SREBF2: variants seen among roughly 807,000 people sequenced by gnomAD.
SREBF2 encodes sterol regulatory element binding transcription factor 2.
SREBF2 carries 55 observed loss-of-function variants against 113.1 expected under a neutral mutation model. The ratio of observed to expected loss-of-function variants is 0.49; its 90% CI spans 0.39 to 0.61. The LOEUF is 0.61. SREBF2 is among the 20% of genes least tolerant of loss of function. SREBF2 has a pLI of 0.00. For synonymous variants in SREBF2, 593 were observed against 605.7 expected, an observed-to-expected ratio of 0.98 and a Z score of 0.31; for missense variants, 1,349 against 1,487.4, an observed-to-expected ratio of 0.91 and a Z score of 1.53.
At chr22:41,845,010 C>T (rs1327072433) in intron 1 of SREBF2, among the ~76,000 whole-genome samples, 1 of 145,612 alleles carries the variant, frequency 6.9e-6, no homozygotes, top group Non-Finnish European at 1.5e-5. Flanking sequence ...CTCACTGCGA[C>T]CTCTGCCTCC....
intron 1 of SREBF2, among the ~76,000 whole-genome samples, chr22:41,839,586 C>G (rs1326007672): frequency 6.6e-6 from 1 of 152,198 alleles, no homozygotes; most frequent in Non-Finnish European, 1.5e-5. Context: ...GCAAGTAGTT[C>G]TCTTTGGAGA....
At chr22:41,869,753 G>A (rs1036688952) in intron 3 of SREBF2, among the ~76,000 whole-genome samples, 1 of 152,150 alleles carries the variant, frequency 6.6e-6, no homozygotes, top group Non-Finnish European at 1.5e-5. Context: ...CCAAAGTGCT[G>A]AGACTACAGG....
In SREBF2 at chr22:41,873,976, A is replaced by G. The variant is rs764606155; in HGVS notation, c.1046A>G (p.Lys349Arg). 4 of 1,614,032 alleles carry G rather than the reference A, an allele frequency of 2.5e-6. No individual in the cohort carries two copies. The highest frequency in any genetic ancestry group is 1.3e-5 in the African/African-American group (1 of 74,894). The change falls in exon 5 of 19, where the codon AAA (lysine) becomes AGA (arginine). Residue 349 changes from lysine to arginine, a missense_variant. Physicochemically the swap from Lys to Arg is conservative, Grantham distance 26. Around this residue, in one of 2 missense-constraint regions of SREBF2, gnomAD observed 699 missense variants for 843.3 expected, o/e 0.83. Coordinates refer to ENST00000361204, the MANE Select transcript of SREBF2 (RefSeq NM_004599.4). ...EKRYRSSINDKIIELKDLVMG... is the reference protein window; with the variant it reads ...EKRYRSSINDRIIELKDLVMG... The stretch of plus-strand genomic sequence containing the variant: ...CGATATCGCTCCTCCATCAATGACA[A>G]AATCATCGAATTGAAAGACCTGGTC...
At chr22:41,894,757 G>A (rs1197960904) in intron 12 of SREBF2, 63 bp from the exon 13 acceptor site, 6 of 1,442,510 alleles carry the variant, frequency 4.2e-6, no homozygotes, top group East Asian at 2.3e-5. Context: ...GTTTCTCTCC[G>A]TAAAGACAAA....
intron 16 of SREBF2, 129 bp from the exon 17 acceptor site, chr22:41,902,841 T>C: frequency 9.6e-7 from 1 of 1,039,004 alleles, no homozygotes; most frequent in Non-Finnish European, 1.5e-6. Context: ...TTCACCAGAC[T>C]CTGGGGCTCT....
intron 1 of SREBF2, among the ~76,000 whole-genome samples, chr22:41,842,168 A>T (rs1301538905): frequency 6.6e-6 from 1 of 152,236 alleles, no homozygotes; most frequent in African/African-American, 2.4e-5. Context: ...GAATCAAAAT[A>T]AAATACATAA....
intron 1 of SREBF2, among the ~76,000 whole-genome samples, chr22:41,836,566 C>T (rs924941072): frequency 6.6e-6 from 1 of 152,212 alleles, no homozygotes; most frequent in African/African-American, 2.4e-5. Flanking sequence ...ATGTTAGCTC[C>T]TTGAGGCAGA....
intron 10 of SREBF2, among the ~76,000 whole-genome samples, chr22:41,882,004 C>G (rs528229398): frequency 1.3e-5 from 2 of 151,908 alleles, no homozygotes; most frequent in Admixed American, 6.6e-5. Context: ...CCTGGGAGAT[C>G]AAGGCTCCAG....
chr22:41,862,495 G>A (rs1020400628), intron 1 of SREBF2, among the ~76,000 whole-genome samples: 5 of 152,134 alleles, frequency 3.3e-5, no homozygotes, highest in Admixed American at 6.6e-5. Context: ...GTGGCCTGCC[G>A]TAGGAACTGG....
chr22:41,879,253 A>T (rs975994157), intron 9 of SREBF2, among the ~76,000 whole-genome samples: 14 of 152,212 alleles, frequency 9.2e-5, no homozygotes, highest in African/African-American at 3.4e-4. Context: ...AGTATTTGAA[A>T]TGTAATATTT....
intron 1 of SREBF2, among the ~76,000 whole-genome samples, chr22:41,853,609 A>C (rs1020076589): frequency 7.9e-5 from 12 of 152,226 alleles, no homozygotes; most frequent in African/African-American, 2.9e-4. Context: ...TTCTGTATTT[A>C]CATACTTACC....
intron 9 of SREBF2, among the ~76,000 whole-genome samples, chr22:41,880,004 C>T (rs760778576): frequency 3.3e-5 from 5 of 152,120 alleles, no homozygotes; most frequent in African/African-American, 9.7e-5. Flanking sequence ...TCAAGACCAG[C>T]CTGGGCAACA....
chr22:41,882,698 C>T (rs907484771), intron 10 of SREBF2, among the ~76,000 whole-genome samples: 1 of 152,134 alleles, frequency 6.6e-6, no homozygotes, highest in Admixed American at 6.5e-5. Flanking sequence ...CCCAGTTACT[C>T]GAGAGGCTAA....
Position 41,867,155 on chromosome 22 carries a change from A to G in SREBF2, c.413A>G (p.Gln138Arg). 2 of 1,614,068 alleles carry G rather than the reference A, an allele frequency of 1.2e-6. No individual in the cohort carries two copies. The highest frequency in any genetic ancestry group is 1.7e-6 in the Non-Finnish European group (2 of 1,180,012). The change falls in exon 2 of 19, where the codon CAG becomes CGG. Residue 138 changes from glutamine (Q) to arginine (R), a missense_variant. By Grantham distance (43) the Gln-to-Arg change is conservative. This residue lies in a region of SREBF2 where 699 missense variants were observed against 843.3 expected (regional missense o/e 0.83). Transcript: ENST00000361204. Reference protein sequence around the residue: ...TPILQPRPQPQPQPQTQLQQQ... With the variant: ...TPILQPRPQPRPQPQTQLQQQ... ...ATTCTTCAGCCCCGCCCCCAGCCCC[A>G]GCCTCAACCTCAAACTCAGCTGCAA...
At chr22:41,890,550 G>A (rs1215405889) in intron 11 of SREBF2, among the ~76,000 whole-genome samples, 1 of 152,164 alleles carries the variant, frequency 6.6e-6, no homozygotes, top group African/African-American at 2.4e-5. Flanking sequence ...AAACAGTTGT[G>A]GGGTTCTTGC....
At chr22:41,904,078 A>G (rs777159478) in intron 17 of SREBF2, among the ~76,000 whole-genome samples, 3 of 152,240 alleles carry the variant, frequency 2.0e-5, no homozygotes, top group Middle Eastern at 3.4e-3. Context: ...GGGTCTTGCT[A>G]TGTGGCCCAG....
intron 5 of SREBF2, among the ~76,000 whole-genome samples, chr22:41,874,230 G>C (rs183127216): frequency 1.9e-3 from 293 of 152,252 alleles, no homozygotes; most frequent in African/African-American, 6.7e-3. Context: ...GCAGTGACCC[G>C]CTGAGACCTT....
At position 41,877,962 on chromosome 22, in the gene SREBF2, T is replaced by C; in HGVS notation, c.1600T>C (p.Trp534Arg). The C allele has an allele frequency of 6.2e-7, 1 of 1,614,180 alleles. No homozygotes were observed. Among genetic ancestry groups the C allele is most frequent in the South Asian group, 1.1e-5 (1 of 91,084 alleles). The change falls in exon 9 of 19, where the codon TGG (tryptophan) becomes CGG (arginine). Residue 534 changes from tryptophan (W) to arginine (R), a missense_variant. Around this residue, in one of 2 missense-constraint regions of SREBF2, gnomAD observed 699 missense variants for 843.3 expected, o/e 0.83. Coordinates refer to ENST00000361204, the MANE Select transcript of SREBF2 (RefSeq NM_004599.4). ...CTTAGGTTCTGGGGGCTGGTTTGAC[T>C]GGATGATGCCTACTCTTCTCTTATG... ...FESGSGGWFDWMMPTLLLWLV... is the reference protein window; with the variant it reads ...FESGSGGWFDRMMPTLLLWLV...
chr22:41,833,136 C>G lies in SREBF2; in HGVS notation c.-135C>G, dbSNP rs1395248778. 1.9e-5 allele frequency: 12 copies of G among 618,160 alleles called. No homozygotes were observed. The highest frequency in any genetic ancestry group is 4.1e-5 in the Admixed American group (1 of 24,132). The allele number at this position is 618,160 out of a possible 1,614,324, so 38.3% of individuals were successfully genotyped here. A position where few individuals can be genotyped will look rare whatever the true frequency, so the allele number is the denominator to read the frequency against. On this transcript the variant is annotated 5_prime_UTR_variant, in exon 1 of 19. Coordinates refer to ENST00000361204, the MANE Select transcript of SREBF2 (RefSeq NM_004599.4). The surrounding 1 kb of genome is among the most constrained non-coding windows in gnomAD (Gnocchi z 4.1). ...GTGCGGCGCCCGGGCGCAACGCAAA[C>G]ATGGCGGCGGGTGGCACCCGTCGGT... is the stretch of plus-strand genomic sequence containing the variant.
Sources: allele counts gnomAD v4.1 joint callset (sites outside exome capture counted in the v4.1 genomes callset), GRCh38; gene constraint gnomAD v4.1.1; regional missense constraint gnomAD v4.1.1; non-coding constraint Gnocchi (gnomAD v3.1); transcripts MANE v1.5; gene names NCBI Gene and HGNC (gene_info 2026-07-23, HGNC 2026-07-21).